The following ATXN10 variants were observed in gnomAD, a reference collection of about 807,000 sequenced individuals.
ATXN10 encodes the protein ataxin-10.
A neutral mutation model predicts 52.9 loss-of-function variants in ATXN10; 28 were observed. The observed-to-expected ratio is 0.53, with a 90% CI of 0.39 to 0.73. The LOEUF (loss-of-function observed/expected upper bound fraction) is 0.73, where lower values mean the gene tolerates loss of function less well. Among genes scored for constraint, ATXN10 ranks in the 30% least tolerant of loss-of-function variants. ATXN10 has a pLI of 0.00. For missense variants in ATXN10, 565 were observed against 577.0 expected, an observed-to-expected ratio of 0.98 and a Z score of 0.21; for synonymous variants, 226 against 221.5, an observed-to-expected ratio of 1.02 and a Z score of -0.18.
At position 45,823,139 on chromosome 22, in the gene ATXN10, A is replaced by T. The variant is rs904745366; in HGVS notation, c.1237+16117A>T. On this transcript the variant is annotated intron_variant, in intron 10 of 11. Transcript: ENST00000252934. The surrounding 1 kb of genome is among the most constrained non-coding windows in gnomAD (Gnocchi z 4.9). ...ACAGATGTATGTACGCATCACCCAG[A>T]TGGAAATACAGAACATGCCCATCTC... 2.1e-6 allele frequency: 1 copy of T among 471,790 alleles called. No homozygotes were observed. The highest frequency in any genetic ancestry group is 4.4e-6 in the Non-Finnish European group (1 of 227,182). The allele number at this position is 471,790 out of a possible 1,614,324, so 29.2% of individuals were successfully genotyped here.
chr22:45,709,584 C>A (rs923460656), intron 5 of ATXN10, among the ~76,000 whole-genome samples: 3 of 152,178 alleles, frequency 2.0e-5, no homozygotes, highest in African/African-American at 7.2e-5. Flanking sequence ...GTTGGCATGG[C>A]CCACGGCTGG....
chr22:45,710,439 A>G (rs1924201881), intron 5 of ATXN10, among the ~76,000 whole-genome samples: 3 of 152,150 alleles, frequency 2.0e-5, no homozygotes, highest in Admixed American at 2.0e-4. Flanking sequence ...TGTTTCCTGT[A>G]AACCCGTATC....
chr22:45,842,926 A>G lies in ATXN10; in HGVS notation c.1238-65A>G. On this transcript the variant is annotated intron_variant, in intron 10 of 11. Coordinates refer to ENST00000252934, the MANE Select transcript of ATXN10 (RefSeq NM_013236.4). This position sits in a 1 kb window ranked among gnomAD's most constrained non-coding sequence, Gnocchi z 4.8. The stretch of plus-strand genomic sequence containing the variant: ...TCTGTGCTCCTCTACTCCTTTTCTG[A>G]TAATTCTTATGTGAAGTTATCAAAC... 1 of 1,545,714 alleles carries G rather than the reference A, an allele frequency of 6.5e-7. No homozygotes were observed. Among genetic ancestry groups the G allele is most frequent in the Non-Finnish European group, 8.9e-7 (1 of 1,118,450 alleles).
chr22:45,801,254 A>G (rs545463680), intron 9 of ATXN10, among the ~76,000 whole-genome samples: 1 of 152,272 alleles, frequency 6.6e-6, no homozygotes, highest in South Asian at 2.1e-4. Context: ...TGGGGTTGGG[A>G]CCACAGCACT....
chr22:45,747,327 G>C (rs1192748673), intron 9 of ATXN10, among the ~76,000 whole-genome samples: 1 of 152,078 alleles, frequency 6.6e-6, no homozygotes, highest in Non-Finnish European at 1.5e-5. Flanking sequence ...AACATAATAA[G>C]ACTCCATCCC....
intron 5 of ATXN10, among the ~76,000 whole-genome samples, chr22:45,716,688 C>G: frequency 6.6e-6 from 1 of 151,834 alleles, no homozygotes; most frequent in Admixed American, 6.6e-5. Flanking sequence ...ACCCACAGTT[C>G]TACTTTGAGA....
At chr22:45,800,546 T>C (rs1284935394) in intron 9 of ATXN10, among the ~76,000 whole-genome samples, 1 of 152,094 alleles carries the variant, frequency 6.6e-6, no homozygotes, top group Non-Finnish European at 1.5e-5. Context: ...CAGTTCTTAA[T>C]AAAGTTGAAC....
chr22:45,820,616 A>G lies in ATXN10; in HGVS notation c.1237+13594A>G, dbSNP rs1456498423. 6.6e-6 allele frequency among the ~76,000 whole-genome samples: 1 copy of G among 152,198 alleles called. No individual in the cohort carries two copies. The highest frequency in any genetic ancestry group is 1.9e-4 in the East Asian group (1 of 5,192). On this transcript the variant is annotated intron_variant, in intron 10 of 11. Coordinates refer to ENST00000252934, the MANE Select transcript of ATXN10 (RefSeq NM_013236.4). This position sits in a 1 kb window ranked among gnomAD's most constrained non-coding sequence, Gnocchi z 4.9. Reference sequence around the variant, plus strand: ...TTATCCCTTCATTGGAGAAAGTATAAAAATAAAGCTAACTTTTAGATGTGC... The same window carrying G: ...TTATCCCTTCATTGGAGAAAGTATAGAAATAAAGCTAACTTTTAGATGTGC...
intron 9 of ATXN10, among the ~76,000 whole-genome samples, chr22:45,751,738 T>TG (rs373480625): frequency 1.4e-3 from 178 of 123,284 alleles, no homozygotes; most frequent in Non-Finnish European, 2.4e-3. Context: ...TACCTTTTTC[T>TG]GGAAAAAAAA....
In ATXN10 at chr22:45,772,653, A is replaced by G. The variant is rs1423499530; in HGVS notation, c.1173+32115A>G. 3.9e-5 allele frequency among the ~76,000 whole-genome samples: 6 copies of G among 152,298 alleles called. No homozygotes were observed. The highest frequency in any genetic ancestry group is 1.9e-4 in the East Asian group (1 of 5,186). On this transcript the variant is annotated intron_variant, in intron 9 of 11. Transcript: ENST00000252934. This position sits in a 1 kb window ranked among gnomAD's most constrained non-coding sequence, Gnocchi z 4.1. ...ATACAGCTCTCTTTGGGGGGAATCA[A>G]TGTCTTACTGTGTTGAGTCTTCCAA...
rs892608581 is a variant in ATXN10 at position 45,805,397 on chromosome 22, A to G, written c.1174-1562A>G. Among the ~76,000 whole-genome samples the G allele has an allele frequency of 1.3e-5, 2 of 152,356 alleles. No individual in the cohort carries two copies. Among genetic ancestry groups the G allele is most frequent in the East Asian group, 1.9e-4 (1 of 5,194 alleles). On this transcript the variant is annotated intron_variant, in intron 9 of 11. Transcript: ENST00000252934. The surrounding 1 kb of genome is among the most constrained non-coding windows in gnomAD (Gnocchi z 4.4). ...CTTATATCCACTCAAAAACATGTAC[A>G]TGCACATTCAGAGCAGCATTATCAT...
intron 10 of ATXN10, among the ~76,000 whole-genome samples, chr22:45,832,722 A>G (rs1297535880): frequency 1.3e-5 from 2 of 152,260 alleles, no homozygotes; most frequent in African/African-American, 4.8e-5. Flanking sequence ...GTTCATATCT[A>G]AATCCCTTGC....
intron 9 of ATXN10, among the ~76,000 whole-genome samples, chr22:45,751,762 AAAAT>A (rs1925974802): frequency 2.0e-4 from 12 of 59,018 alleles, no homozygotes; most frequent in African/African-American, 8.7e-4. Flanking sequence ...AAATAAAAAA[AAAAT>A]AATAATAATA....
intron 1 of ATXN10, 42 bp from the exon 2 acceptor site, chr22:45,689,667 CATA>C (rs769522193): frequency 6.3e-7 from 1 of 1,575,048 alleles, no homozygotes; most frequent in Non-Finnish European, 8.7e-7. Context: ...ATTTGGAAAT[CATA>C]ATCTTTTTTT....
At position 45,789,171 on chromosome 22, in the gene ATXN10, T is replaced by C. The variant is rs534353242; in HGVS notation, c.1174-17788T>C. ...TCACCTGACCACCCCTCTAAAACAG[T>C]CTTTGGCCACTCTCAATCTCTAGTA... On this transcript the variant is annotated intron_variant, in intron 9 of 11. Transcript: ENST00000252934. This position sits in a 1 kb window ranked among gnomAD's most constrained non-coding sequence, Gnocchi z 4.0. 1.3e-5 allele frequency among the ~76,000 whole-genome samples: 2 copies of C among 152,304 alleles called. No homozygotes were observed. Among genetic ancestry groups the C allele is most frequent in the East Asian group, 3.9e-4 (2 of 5,182 alleles).
At chr22:45,689,330 G>A in intron 1 of ATXN10, 1 of 289,160 alleles carries the variant, frequency 3.5e-6, no homozygotes, top group South Asian at 4.0e-5. Context: ...TGGGATTTGG[G>A]TTGTCATGGG....
At chr22:45,700,676 A>G (rs534533425) in intron 4 of ATXN10, among the ~76,000 whole-genome samples, 1 of 152,308 alleles carries the variant, frequency 6.6e-6, no homozygotes, top group South Asian at 2.1e-4. Context: ...ATATCAGTTT[A>G]CTTTTACAAA....
rs1041727323 is a variant in ATXN10, at chr22:45,754,555, C to T, written c.1173+14017C>T. ...TGCAGGAAAGGCTTCCTCAAAGCCA[C>T]TCAGTGGTGGGAGTGCTGTCTCAGT... On this transcript the variant is annotated intron_variant, in intron 9 of 11. Transcript: ENST00000252934. The surrounding 1 kb of genome is among the most constrained non-coding windows in gnomAD (Gnocchi z 5.4). 6.6e-6 allele frequency among the ~76,000 whole-genome samples: 1 copy of T among 152,110 alleles called. No homozygotes were observed. Among genetic ancestry groups the T allele is most frequent in the Non-Finnish European group, 1.5e-5 (1 of 68,008 alleles).
Position 45,727,840 on chromosome 22 carries a change from CCTT to C in ATXN10, c.729-1581_729-1579del, listed in dbSNP as rs1332636861. 6.6e-6 allele frequency among the ~76,000 whole-genome samples: 1 copy of C among 151,942 alleles called. No homozygotes were observed. Among genetic ancestry groups the C allele is most frequent in the Non-Finnish European group, 1.5e-5 (1 of 67,964 alleles). The stretch of plus-strand genomic sequence containing the variant: ...CGATCCTTTTATCATCATATAATGA[CCTT>C]CTTTGTCTTTTTTTTACTGTTGTTG... On this transcript the variant is annotated intron_variant, in intron 6 of 11. Transcript: ENST00000252934. This position sits in a 1 kb window ranked among gnomAD's most constrained non-coding sequence, Gnocchi z 4.6.
Sources: allele counts gnomAD v4.1 joint callset (sites outside exome capture counted in the v4.1 genomes callset), GRCh38; gene constraint gnomAD v4.1.1; non-coding constraint Gnocchi (gnomAD v3.1); transcripts MANE v1.5; gene names NCBI Gene and HGNC (gene_info 2026-07-23, HGNC 2026-07-21).